SELENOI: variants seen among roughly 807,000 people sequenced by gnomAD.
SELENOI encodes selenoprotein I.
SELENOI carries 24 observed loss-of-function variants against 50.7 expected under a neutral mutation model. The observed-to-expected ratio is 0.47, with a 90% CI of 0.34 to 0.67. SELENOI has a LOEUF of 0.67. Among genes scored for constraint, SELENOI ranks in the 30% least tolerant of loss-of-function variants. SELENOI has a pLI of 0.01. For synonymous variants in SELENOI, 155 were observed against 170.2 expected, an observed-to-expected ratio of 0.91 and a Z score of 0.70; for missense variants, 352 against 461.4, an observed-to-expected ratio of 0.76 and a Z score of 2.17.
chr2:26,391,405 T>A lies in SELENOI; in HGVS notation c.*2302T>A, dbSNP rs1024709702. The A allele has an allele frequency of 6.6e-6, 1 of 152,232 alleles. No homozygotes were observed. The highest frequency in any genetic ancestry group is 2.1e-4 in the South Asian group (1 of 4,834). 9.4% of individuals were successfully genotyped at this position (152,232 alleles called of 1,614,324 possible). On this transcript the variant is annotated 3_prime_UTR_variant, in exon 10 of 10. Coordinates refer to ENST00000260585, the MANE Select transcript of SELENOI (RefSeq NM_033505.4). ...AGCCCCCATTTGTTGTGTAGAGATATAGCAGCTGAAGCAGGACTTCATTCC... is the reference window on the plus strand; with the variant it reads ...AGCCCCCATTTGTTGTGTAGAGATAAAGCAGCTGAAGCAGGACTTCATTCC...
chr2:26,348,200 T>C (rs926980469), intron 1 of SELENOI, among the ~76,000 whole-genome samples: 23 of 152,258 alleles, frequency 1.5e-4, no homozygotes, highest in African/African-American at 5.3e-4. Context: ...GCGTTCCCCT[T>C]ATGTTGTCTT....
chr2:26,380,962 G>T (rs987296792), intron 6 of SELENOI, among the ~76,000 whole-genome samples: 11 of 151,662 alleles, frequency 7.3e-5, no homozygotes, highest in African/African-American at 2.4e-4. Flanking sequence ...TTTCTATAGG[G>T]TTGTTGGCCA....
intron 1 of SELENOI, among the ~76,000 whole-genome samples, chr2:26,352,648 G>A (rs1676983828): frequency 6.6e-6 from 1 of 152,132 alleles, no homozygotes; most frequent in Non-Finnish European, 1.5e-5. Context: ...GCTGGGCATG[G>A]TGGTGTGTGC....
chr2:26,346,984 A>G (rs998921431), intron 1 of SELENOI: 14 of 152,226 alleles, frequency 9.2e-5, no homozygotes, highest in Non-Finnish European at 1.9e-4. Context: ...GCTGTGCAAA[A>G]TGATTAGAGG....
At chr2:26,387,091 C>T (rs977501976) in intron 9 of SELENOI, among the ~76,000 whole-genome samples, 1 of 152,054 alleles carries the variant, frequency 6.6e-6, no homozygotes, top group Admixed American at 6.6e-5. Context: ...TTATGTTATT[C>T]TCGAGCCCTC....
chr2:26,371,510 G>A (rs1173522577), intron 4 of SELENOI, among the ~76,000 whole-genome samples: 10 of 152,034 alleles, frequency 6.6e-5, no homozygotes, highest in Admixed American at 2.6e-4. Flanking sequence ...CAAGGCAGGC[G>A]GCTGGGAGGT....
intron 1 of SELENOI, among the ~76,000 whole-genome samples, chr2:26,362,975 A>G (rs962144166): frequency 7.9e-5 from 12 of 152,190 alleles, no homozygotes; most frequent in Non-Finnish European, 1.3e-4. Context: ...TGAATAAGTT[A>G]TCAACATGAC....
chr2:26,370,477 T>C (rs868329073), intron 4 of SELENOI, among the ~76,000 whole-genome samples: 86 of 134,240 alleles, frequency 6.4e-4, no homozygotes, highest in Middle Eastern at 4.6e-3. Flanking sequence ...GGCGGCTGGC[T>C]GGGCGGGGGG....
chr2:26,346,167 T>G lies in SELENOI; in HGVS notation c.-66T>G. On this transcript the variant is annotated 5_prime_UTR_variant, in exon 1 of 10. Coordinates refer to ENST00000260585, the MANE Select transcript of SELENOI (RefSeq NM_033505.4). ...TGCCATCCTTGCCCAGCCGGTGTGGTGCTTGTGTGTCACAGCCTTGTAGCC... is the reference window on the plus strand; with the variant it reads ...TGCCATCCTTGCCCAGCCGGTGTGGGGCTTGTGTGTCACAGCCTTGTAGCC... The G allele has an allele frequency of 6.2e-7, 1 of 1,611,524 alleles. No homozygotes were observed. The highest frequency in any genetic ancestry group is 1.1e-5 in the South Asian group (1 of 90,576).
At chr2:26,388,616 T>C (rs1426248505) in intron 9 of SELENOI, among the ~76,000 whole-genome samples, 1 of 152,188 alleles carries the variant, frequency 6.6e-6, no homozygotes, top group Non-Finnish European at 1.5e-5. Flanking sequence ...ATAGATCTAG[T>C]TTTGTACTAT....
chr2:26,354,238 C>T (rs1255674147), intron 1 of SELENOI, among the ~76,000 whole-genome samples: 1 of 151,908 alleles, frequency 6.6e-6, no homozygotes, highest in Admixed American at 6.6e-5. Flanking sequence ...GTAATTTGCT[C>T]AGGGTCCCAC....
intron 1 of SELENOI, among the ~76,000 whole-genome samples, chr2:26,347,057 C>A (rs1351333645): frequency 6.6e-6 from 1 of 152,160 alleles, no homozygotes; most frequent in African/African-American, 2.4e-5. Flanking sequence ...GGTTAACTTT[C>A]CTCCAAATCT....
chr2:26,355,170 C>G lies in SELENOI; in HGVS notation c.57+8881C>G, dbSNP rs147196364. Among the ~76,000 whole-genome samples, 1,311 of 152,274 alleles carry G rather than the reference C, an allele frequency of 8.6e-3. 19 individuals are homozygous for G. Among genetic ancestry groups the G allele is most frequent in the African/African-American group, 0.029 (1,199 of 41,544 alleles). The stretch of plus-strand genomic sequence containing the variant: ...TAAATAAAACTTGACATTTGTGATT[C>G]CCTGCACAAATGAACATTGGCTAGC... On this transcript the variant is annotated intron_variant, in intron 1 of 9. Transcript: ENST00000260585.
chr2:26,379,183 G>C (rs989215094), intron 6 of SELENOI, among the ~76,000 whole-genome samples: 3 of 152,184 alleles, frequency 2.0e-5, no homozygotes, highest in African/African-American at 7.2e-5. Flanking sequence ...AGAATCGCTT[G>C]AACCTGGGAG....
chr2:26,372,966 G>A (rs1303158836), intron 4 of SELENOI, among the ~76,000 whole-genome samples: 1 of 152,162 alleles, frequency 6.6e-6, no homozygotes, highest in Non-Finnish European at 1.5e-5. Flanking sequence ...ATAGCTCACT[G>A]CAGGTTCAAA....
Position 26,383,149 on chromosome 2 carries a change from ATGT to A in SELENOI, c.683-145_683-143del. On this transcript the variant is annotated intron_variant, in intron 6 of 9. Coordinates refer to ENST00000260585, the MANE Select transcript of SELENOI (RefSeq NM_033505.4). ...TGTACTGCCACTCTTCCTGTTGTAAATGTTGTTTATAAATGTATTTAATTTTAT... is the reference window on the plus strand; with the variant it reads ...TGTACTGCCACTCTTCCTGTTGTAAATGTTTATAAATGTATTTAATTTTAT... 6 of 502,842 alleles carry A rather than the reference ATGT, an allele frequency of 1.2e-5. No individual in the cohort carries two copies. In the South Asian group the frequency reaches 1.7e-4, roughly 14 times the overall value. 31.1% of individuals were successfully genotyped at this position (502,842 alleles called of 1,614,324 possible).
intron 6 of SELENOI, among the ~76,000 whole-genome samples, chr2:26,377,874 T>G (rs72852736): frequency 0.014 from 2,132 of 152,308 alleles, 38 homozygotes; most frequent in African/African-American, 0.037. Flanking sequence ...CAATTTTTTT[T>G]TTGTTGTTGT....
At chr2:26,372,144 C>T (rs1275137311) in intron 4 of SELENOI, among the ~76,000 whole-genome samples, 3 of 152,144 alleles carry the variant, frequency 2.0e-5, no homozygotes, top group Non-Finnish European at 4.4e-5. Flanking sequence ...CAGAGTTTCG[C>T]TCTTGTTGCC....
rs1339629764 is a variant in SELENOI, at chr2:26,389,156, T to C, written c.*53T>C. On this transcript the variant is annotated 3_prime_UTR_variant, in exon 10 of 10. Coordinates refer to ENST00000260585, the MANE Select transcript of SELENOI (RefSeq NM_033505.4). ...CTGTAAATAAATGCTTGTAAATATT[T>C]CCTCCATCACCATTGAACTAGACTG... 11 of 1,352,356 alleles carry C rather than the reference T, an allele frequency of 8.1e-6. No homozygotes were observed. In the East Asian group the frequency reaches 2.8e-4, roughly 34 times the overall value. The allele number at this position is 1,352,356 out of a possible 1,614,324, so 83.8% of individuals were successfully genotyped here.
Sources: gnomAD v4.1 joint callset for allele counts (sites outside exome capture counted in the v4.1 genomes callset) on GRCh38, gnomAD v4.1.1 for gene constraint, MANE v1.5 for transcripts, NCBI Gene and HGNC (gene_info 2026-07-23, HGNC 2026-07-21) for gene names.